DCDC2: variants seen among roughly 807,000 people sequenced by gnomAD.
DCDC2 encodes doublecortin domain-containing protein 2.
Under a neutral mutation model 50.2 loss-of-function variants are expected in DCDC2, and 40 were observed. The observed-to-expected ratio is 0.80, with a 90% CI of 0.62 to 1.04. DCDC2 has a LOEUF of 1.04. DCDC2 is among the 50% of genes least tolerant of loss of function. DCDC2 has a pLI of 0.00. For synonymous variants in DCDC2, 234 were observed against 210.6 expected, an observed-to-expected ratio of 1.11 and a Z score of -0.96; for missense variants, 570 against 581.9, an observed-to-expected ratio of 0.98 and a Z score of 0.21.
intron 2 of DCDC2, among the ~76,000 whole-genome samples, chr6:24,346,691 T>C (rs1403566402): frequency 2.0e-5 from 3 of 151,774 alleles, no homozygotes; most frequent in South Asian, 2.1e-4. Flanking sequence ...GAGGTAGATG[T>C]TGCAGTGAGC....
In DCDC2 at chr6:24,351,947, C is replaced by CA. The variant is rs142765572; in HGVS notation, c.348+1621dup. 1.4e-3 allele frequency among the ~76,000 whole-genome samples: 217 copies of CA among 152,006 alleles called. 1 individual carries two copies. The highest frequency in any genetic ancestry group is 5.0e-3 in the African/African-American group (209 of 41,466). On this transcript the variant is annotated intron_variant, in intron 2 of 9. Transcript: ENST00000378454. ...GCTGAAACCCCGTCTCTACGAAAAA[C>CA]AAAAAAATTAGCCAGGTGTGGTGGC...
At chr6:24,265,351 G>A (rs1763096635) in intron 7 of DCDC2, among the ~76,000 whole-genome samples, 1 of 152,026 alleles carries the variant, frequency 6.6e-6, no homozygotes, top group African/African-American at 2.4e-5. Flanking sequence ...TTTCATTATT[G>A]GACATATCAT....
At chr6:24,208,339 C>A (rs12153942) in intron 7 of DCDC2, among the ~76,000 whole-genome samples, 1 of 148,970 alleles carries the variant, frequency 6.7e-6, no homozygotes, top group Non-Finnish European at 1.5e-5. Context: ...CAAAACAGAA[C>A]CAACAGCTCC....
At chr6:24,322,391 TA>T (rs1206197356) in intron 2 of DCDC2, among the ~76,000 whole-genome samples, 2 of 152,036 alleles carry the variant, frequency 1.3e-5, no homozygotes, top group Admixed American at 1.3e-4. Context: ...TGTTTTACCC[TA>T]AAATATATTT....
chr6:24,362,686 A>C (rs1760689504), upstream of DCDC2, among the ~76,000 whole-genome samples: 2 of 152,160 alleles, frequency 1.3e-5, no homozygotes, highest in South Asian at 4.1e-4. Context: ...ACCATCTAAA[A>C]GGCAGCCTAG....
chr6:24,296,784 A>G (rs1356620882), intron 4 of DCDC2, among the ~76,000 whole-genome samples: 1 of 152,242 alleles, frequency 6.6e-6, no homozygotes, highest in East Asian at 1.9e-4. Context: ...TGCCAGTCAA[A>G]ATGGTTATTA....
rs748873318 is a variant in DCDC2, at chr6:24,178,474, G to A, written c.1182C>T (p.His394=). ...APEQVEEILD[H]SEQQARPARV... Reference sequence around the variant, plus strand: ...GAGCAGGGCGTGCCTGCTGCTCACTGTGATCCAGAATCTCCTCGACTTGCT... The same window carrying A: ...GAGCAGGGCGTGCCTGCTGCTCACTATGATCCAGAATCTCCTCGACTTGCT... Residue 394 remains histidine, a synonymous_variant, in exon 9 of 10, where the codon CAC becomes CAT. Coordinates refer to ENST00000378454, the MANE Select transcript of DCDC2 (RefSeq NM_016356.5). 6.2e-7 allele frequency: 1 copy of A among 1,614,036 alleles called. No individual in the cohort carries two copies. Among genetic ancestry groups the A allele is most frequent in the Non-Finnish European group, 8.5e-7 (1 of 1,180,042 alleles).
chr6:24,206,733 CAAAT>C (rs1761723963), intron 7 of DCDC2, among the ~76,000 whole-genome samples: 1 of 151,986 alleles, frequency 6.6e-6, no homozygotes, highest in Admixed American at 6.6e-5. Context: ...TCGATAACAA[CAAAT>C]AAAATAAAAT....
chr6:24,302,294 GA>G lies in DCDC2; in HGVS notation c.349-251del, dbSNP rs34907724. Among the ~76,000 whole-genome samples the G allele has an allele frequency of 5.9e-3, 812 of 138,738 alleles. 6 individuals carry two copies. The highest frequency in any genetic ancestry group is 0.018 in the African/African-American group (686 of 37,444). The allele number at this position is 138,738 out of a possible 152,430, so 91.0% of individuals were successfully genotyped here. A position where few individuals can be genotyped will look rare whatever the true frequency, so the allele number is the denominator to read the frequency against. On this transcript the variant is annotated intron_variant, in intron 2 of 9. Coordinates refer to ENST00000378454, the MANE Select transcript of DCDC2 (RefSeq NM_016356.5). The stretch of plus-strand genomic sequence containing the variant: ...CTAGGCACACTGCTCATGATCTGTG[GA>G]AAAAAAAAAAAAACAGAAATCATTT...
chr6:24,371,042 G>A, the DCDC2 span, among the ~76,000 whole-genome samples: 5,012 of 151,480 alleles, frequency 0.033, 122 homozygotes, highest in Non-Finnish European at 0.05. Flanking sequence ...ATGGGAGGCC[G>A]AGGCAGGTGG....
chr6:24,182,860 A>G (rs1328794853), intron 8 of DCDC2, among the ~76,000 whole-genome samples: 1 of 152,242 alleles, frequency 6.6e-6, no homozygotes, highest in East Asian at 1.9e-4. Context: ...ACCCAAGTTT[A>G]TAGGAGAATT....
chr6:24,255,106 C>T (rs1044611293), intron 7 of DCDC2, among the ~76,000 whole-genome samples: 9 of 151,958 alleles, frequency 5.9e-5, no homozygotes, highest in Admixed American at 5.2e-4. Context: ...CAGTGCAGTA[C>T]AAAGATAGAC....
chr6:24,213,189 CTGAT>C (rs1422988989), intron 7 of DCDC2, among the ~76,000 whole-genome samples: 1 of 152,026 alleles, frequency 6.6e-6, no homozygotes, highest in Non-Finnish European at 1.5e-5. Flanking sequence ...GTGTTTGAAA[CTGAT>C]TGAGATTTAT....
At chr6:24,339,590 T>C (rs944482396) in intron 2 of DCDC2, among the ~76,000 whole-genome samples, 8 of 152,194 alleles carry the variant, frequency 5.3e-5, no homozygotes, top group African/African-American at 1.9e-4. Flanking sequence ...GCAGAGACCA[T>C]AGATCAATTC....
chr6:24,372,815 T>G, the DCDC2 span, among the ~76,000 whole-genome samples: 2 of 151,830 alleles, frequency 1.3e-5, no homozygotes, highest in Non-Finnish European at 2.9e-5. Context: ...TACCTAATGT[T>G]AAAAGACAAG....
intron 7 of DCDC2, among the ~76,000 whole-genome samples, chr6:24,222,893 G>A (rs1762149580): frequency 6.6e-6 from 1 of 152,250 alleles, no homozygotes; most frequent in Middle Eastern, 3.4e-3. Flanking sequence ...TTGCTTATTT[G>A]AATATATTTT....
chr6:24,265,021 C>A (rs1385796742), intron 7 of DCDC2, among the ~76,000 whole-genome samples: 1 of 151,996 alleles, frequency 6.6e-6, no homozygotes, highest in Non-Finnish European at 1.5e-5. Context: ...TAAAGAGAGG[C>A]CAAGTGTGAT....
intron 7 of DCDC2, among the ~76,000 whole-genome samples, chr6:24,266,573 C>T (rs1391420386): frequency 1.3e-5 from 2 of 152,080 alleles, no homozygotes; most frequent in Admixed American, 6.5e-5. Flanking sequence ...AAAAGATGCT[C>T]AACATTATTG....
chr6:24,326,606 C>T (rs1759872911), intron 2 of DCDC2, among the ~76,000 whole-genome samples: 1 of 149,008 alleles, frequency 6.7e-6, no homozygotes, highest in African/African-American at 2.4e-5. Flanking sequence ...GCCTATAACC[C>T]AGCACTTTGG....
Sources: allele counts gnomAD v4.1 joint callset (sites outside exome capture counted in the v4.1 genomes callset), GRCh38; gene constraint gnomAD v4.1.1; transcripts MANE v1.5; gene names NCBI Gene and HGNC (gene_info 2026-07-23, HGNC 2026-07-21).